Variants in TLN2 observed in about 807,000 individuals in gnomAD.
TLN2 encodes the protein talin 2.
TLN2 carries 118 observed loss-of-function variants against 294.7 expected under a neutral mutation model. The observed-to-expected ratio is 0.40, with a 90% CI of 0.34 to 0.47. The LOEUF (loss-of-function observed/expected upper bound fraction) is 0.47. TLN2 is among the 20% of genes least tolerant of loss of function. The pLI is 0.84. For missense variants in TLN2, 3,083 were observed against 3,282.2 expected (o/e 0.94, Z 1.48); for synonymous variants, 1,431 against 1,304.5 (o/e 1.10, Z -2.09).
chr15:62,800,865 T>A, intron 50 of TLN2, 96 bp downstream of exon 50: 2 of 978,850 alleles, frequency 2.0e-6, no homozygotes, highest in Non-Finnish European at 3.0e-6. Context: ...AGGTTTTACC[T>A]AAAACACCTG....
At chr15:62,552,002 C>T (rs910775648) in intron 1 of TLN2, among the ~76,000 whole-genome samples, 8 of 152,152 alleles carry the variant, frequency 5.3e-5, no homozygotes, top group Admixed American at 1.3e-4. Flanking sequence ...TGACTTTATT[C>T]GTCAGTTAGC....
At chr15:62,556,284 A>G (rs1055702622) in intron 1 of TLN2, among the ~76,000 whole-genome samples, 4 of 145,308 alleles carry the variant, frequency 2.8e-5, no homozygotes. Flanking sequence ...TTTAAATGCC[A>G]TTTTCTTTTT....
chr15:62,395,934 C>G (rs1448413574), intron 1 of TLN2, among the ~76,000 whole-genome samples: 2 of 152,020 alleles, frequency 1.3e-5, no homozygotes, highest in Non-Finnish European at 2.9e-5. Flanking sequence ...CTCCTGGGTT[C>G]AAGTGATTCT....
chr15:62,537,216 C>T (rs949580909), intron 1 of TLN2, among the ~76,000 whole-genome samples: 6 of 152,072 alleles, frequency 3.9e-5, no homozygotes, highest in Admixed American at 6.5e-5. Context: ...GATGGGGTTT[C>T]GCCGTGTTAG....
At chr15:62,713,927 GT>G (rs2059596231) in intron 22 of TLN2, among the ~76,000 whole-genome samples, 2 of 130,878 alleles carry the variant, frequency 1.5e-5, no homozygotes, top group Non-Finnish European at 3.4e-5. Context: ...CTGTGTGTGT[GT>G]ATGTGTGTGT....
At chr15:62,493,021 A>C (rs2038831780) in intron 1 of TLN2, among the ~76,000 whole-genome samples, 1 of 152,154 alleles carries the variant, frequency 6.6e-6, no homozygotes, top group African/African-American at 2.4e-5. Flanking sequence ...GAGGGATTGA[A>C]AATCTGGAAC....
At chr15:62,534,191 C>T (rs986679561) in intron 1 of TLN2, among the ~76,000 whole-genome samples, 4 of 152,084 alleles carry the variant, frequency 2.6e-5, no homozygotes, top group African/African-American at 9.7e-5. Context: ...GGGATTGATT[C>T]TCCTGCAGAC....
At chr15:62,768,715 G>A (rs1050223601) in intron 41 of TLN2, among the ~76,000 whole-genome samples, 1 of 152,168 alleles carries the variant, frequency 6.6e-6, no homozygotes, top group Non-Finnish European at 1.5e-5. Context: ...AAGAACTAAT[G>A]GTGTTAAAGT....
At chr15:62,832,416 G>A (rs968423299) in intron 54 of TLN2, 2 of 147,108 alleles carry the variant, frequency 1.4e-5, no homozygotes, top group Non-Finnish European at 3.0e-5. Flanking sequence ...CTAGAGTCAC[G>A]GAATGTTGTC....
At chr15:62,453,626 C>T (rs1181528028) in intron 1 of TLN2, 1 of 152,188 alleles carries the variant, frequency 6.6e-6, no homozygotes, top group Non-Finnish European at 1.5e-5. Flanking sequence ...TCCCTCTTGT[C>T]CCTTCCTGTT....
At position 62,647,331 on chromosome 15, in the gene TLN2, G is replaced by A. The variant is rs536031805; in HGVS notation, c.21G>A (p.Lys7=). The A allele has an allele frequency of 6.2e-7, 1 of 1,614,166 alleles. No homozygotes were observed. Among genetic ancestry groups the A allele is most frequent in the African/African-American group, 1.3e-5 (1 of 75,040 alleles). Residue 7 remains lysine (K), a synonymous_variant, in exon 4 of 59, where the codon AAG becomes AAA. Transcript: ENST00000636159. MVALSL[K]ICVRHCNVVK... ...GGAAAATGGTGGCCCTGTCCTTAAA[G>A]ATTTGTGTGCGCCACTGCAACGTGG... is the stretch of plus-strand genomic sequence containing the variant.
intron 58 of TLN2, among the ~76,000 whole-genome samples, chr15:62,840,239 C>T (rs1386598800): frequency 6.6e-6 from 1 of 152,166 alleles, no homozygotes; most frequent in Non-Finnish European, 1.5e-5. Flanking sequence ...CATAGTAAGG[C>T]TGCAAGAGAT....
At chr15:62,686,249 A>C (rs1382272641) in intron 11 of TLN2, among the ~76,000 whole-genome samples, 1 of 152,232 alleles carries the variant, frequency 6.6e-6, no homozygotes, top group Non-Finnish European at 1.5e-5. Context: ...TAGTTAAGTT[A>C]ATTTTAAATC....
Position 62,820,608 on chromosome 15 carries a change from AAAGT to A in TLN2, c.7002+3_7002+6del. 1.2e-6 allele frequency: 2 copies of A among 1,612,678 alleles called. No homozygotes were observed. Among genetic ancestry groups the A allele is most frequent in the Non-Finnish European group, 1.7e-6 (2 of 1,179,214 alleles). ...GCAACTGAAGCCAAGAGCAAAACCA[AAAGT>A]AAGTGTTCATTTATGGTTGGCTGTC... On this transcript the variant is annotated splice_donor_variant and coding_sequence_variant, in exon 54 of 59. Transcript: ENST00000636159. LOFTEE classifies it high-confidence loss of function.
At chr15:62,819,729 A>G (rs2067405218) in intron 53 of TLN2, 108 bp downstream of exon 53, 4 of 933,666 alleles carry the variant, frequency 4.3e-6, no homozygotes, top group Non-Finnish European at 6.5e-6. Flanking sequence ...TAGCTGGCAG[A>G]TGCAGCCAGG....
At chr15:62,572,537 T>C (rs1030239400) in intron 1 of TLN2, among the ~76,000 whole-genome samples, 33 of 152,192 alleles carry the variant, frequency 2.2e-4, no homozygotes, top group Admixed American at 1.0e-3. Flanking sequence ...AGCCTTTTTT[T>C]CCCCCTTAGA....
At chr15:62,804,702 G>T (rs1162942454) in intron 50 of TLN2, among the ~76,000 whole-genome samples, 1 of 152,160 alleles carries the variant, frequency 6.6e-6, no homozygotes, top group Non-Finnish European at 1.5e-5. Context: ...TTGGGGTCCT[G>T]GACTGCTTAA....
intron 58 of TLN2, among the ~76,000 whole-genome samples, chr15:62,839,917 C>G (rs997253830): frequency 6.6e-6 from 1 of 152,222 alleles, no homozygotes; most frequent in Non-Finnish European, 1.5e-5. Flanking sequence ...AGGAAAGGAA[C>G]TGACTTTGCT....
At chr15:62,571,146 G>T (rs527541056) in intron 1 of TLN2, among the ~76,000 whole-genome samples, 2 of 152,294 alleles carry the variant, frequency 1.3e-5, no homozygotes, top group African/African-American at 4.8e-5. Context: ...TCCTCCAGTG[G>T]TTTTAAAATG....
Sources: allele counts gnomAD v4.1 joint callset (sites outside exome capture counted in the v4.1 genomes callset), GRCh38; gene constraint gnomAD v4.1.1; transcripts MANE v1.5; gene names NCBI Gene and HGNC (gene_info 2026-07-23, HGNC 2026-07-21).